The following PUM3 variants were observed in gnomAD, a reference collection of about 807,000 sequenced individuals.
PUM3 encodes the protein pumilio RNA binding family member 3.
A neutral mutation model predicts 84.0 loss-of-function variants in PUM3; 91 were observed. The ratio of observed to expected loss-of-function variants is 1.08; its 90% CI spans 0.91 to 1.29. The LOEUF (loss-of-function observed/expected upper bound fraction) is 1.29. Ranked by LOEUF, PUM3 falls within the 50% of genes most tolerant of loss-of-function variation. The pLI is 0.00. For synonymous variants in PUM3, 321 were observed against 266.7 expected (o/e 1.20, Z -1.98); for missense variants, 1,067 against 767.5 (o/e 1.39, Z -4.61).
chr9:2,812,146 T>C, intron 14 of PUM3, 74 bp downstream of exon 14: 1 of 1,288,520 alleles, frequency 7.8e-7, no homozygotes, highest in Non-Finnish European at 1.1e-6. Flanking sequence ...GATGGGTAAG[T>C]GGACTTCTGG....
rs148147075 is a variant in PUM3 at position 2,811,461 on chromosome 9, G to A, written c.1535C>T (p.Ser512Phe). ...VLDKSACVLV[S>F]DILGSATGDV... is the part of the protein sequence containing the mutation. ...TCCAGTGGCAGATCCCAGAATGTCA[G>A]ACACCAACACACACGCAGACTTATC... Residue 512 changes from serine to phenylalanine, a missense_variant, in exon 15 of 18, where the codon TCT becomes TTT. Physicochemically the swap from Ser to Phe is radical, Grantham distance 155. Coordinates refer to ENST00000397885, the MANE Select transcript of PUM3 (RefSeq NM_014878.5). 3 of 1,614,172 alleles carry A rather than the reference G, an allele frequency of 1.9e-6. No homozygotes were observed. Among genetic ancestry groups the A allele is most frequent in the Non-Finnish European group, 2.5e-6 (3 of 1,180,034 alleles).
rs1326506694 is a variant in PUM3, at chr9:2,811,674, C to T, written c.1413-91G>A. ...CACAAAAACCTCTAAGAGCTTATCA[C>T]AGACTGTATCGCACTCTATTATTAT... On this transcript the variant is annotated intron_variant, in intron 14 of 17. Coordinates refer to ENST00000397885, the MANE Select transcript of PUM3 (RefSeq NM_014878.5). The T allele has an allele frequency of 7.2e-6, 6 of 828,750 alleles. No individual in the cohort carries two copies. In the East Asian group the frequency reaches 1.2e-4, roughly 17 times the overall value. 51.3% of individuals were successfully genotyped at this position (828,750 alleles called of 1,614,324 possible).
Position 2,824,819 on chromosome 9 carries a change from G to T in PUM3, c.1036-4C>A. On this transcript the variant is annotated splice_region_variant and splice_polypyrimidine_tract_variant and intron_variant, in intron 10 of 17. Coordinates refer to ENST00000397885, the MANE Select transcript of PUM3 (RefSeq NM_014878.5). ...CGCGGATGGCTTCAATCATTTCCTA[G>T]GGAACAAATGCTGTCAGGAACAGGG... is the stretch of plus-strand genomic sequence containing the variant. 1.9e-6 allele frequency: 3 copies of T among 1,543,752 alleles called. No homozygotes were observed. Among genetic ancestry groups the T allele is most frequent in the Non-Finnish European group, 2.6e-6 (3 of 1,135,354 alleles).
rs142216382 is a variant in PUM3 at position 2,812,282 on chromosome 9, A to T, written c.1350T>A (p.Asp450Glu). The change falls in exon 14 of 18, where the codon GAT becomes GAA. Residue 450 changes from aspartate to glutamate, a missense_variant. By Grantham distance (45) the Asp-to-Glu change is conservative. Coordinates refer to ENST00000397885, the MANE Select transcript of PUM3 (RefSeq NM_014878.5). ...TGATTTCTCGTACTGTATGTGCAGG[A>T]TCTCTGGGGCTTAGTAAGTACAATA... Reference protein sequence around the residue: ...KVLLYLLSPRDPAHTVREIIE... With the variant: ...KVLLYLLSPREPAHTVREIIE... 674 of 1,612,350 alleles carry T rather than the reference A, an allele frequency of 4.2e-4. 6 individuals are homozygous for T. The Middle Eastern group carries it at 0.013, about 30-fold the overall frequency.
intron 15 of PUM3, 92 bp downstream of exon 15, chr9:2,811,268 TC>T: frequency 2.1e-6 from 2 of 956,002 alleles, no homozygotes; most frequent in South Asian, 1.5e-5. Context: ...GGTATCTCCC[TC>T]CCCAGCTTTC....
rs145193617 is a variant in PUM3 at position 2,807,850 on chromosome 9, C to T, written c.1778G>A (p.Trp593Ter). ...EHVGMKNLKS[W>*]ASVNRGAIIL... is the part of the protein sequence containing the mutation. The stretch of plus-strand genomic sequence containing the variant: ...AATGGCACCTCGATTTACACTAGCC[C>T]AGGACTTCAGGTTCTTCATACCAAC... Residue 593 changes from tryptophan to a stop codon, truncating the protein, a stop_gained, in exon 17 of 18, where the codon TGG (tryptophan) becomes TAG (stop). Coordinates refer to ENST00000397885, the MANE Select transcript of PUM3 (RefSeq NM_014878.5). LOFTEE classifies it high-confidence loss of function. 6.8e-6 allele frequency: 11 copies of T among 1,613,572 alleles called. No individual in the cohort carries two copies. The highest frequency in any genetic ancestry group is 8.5e-6 in the Non-Finnish European group (10 of 1,179,842).
chr9:2,825,613 G>T (rs1815795495), intron 10 of PUM3, among the ~76,000 whole-genome samples: 1 of 151,988 alleles, frequency 6.6e-6, no homozygotes, highest in South Asian at 2.1e-4. Context: ...CTCCCGAGTA[G>T]CTGGGGCTAC....
intron 8 of PUM3, among the ~76,000 whole-genome samples, chr9:2,829,429 G>C (rs1376854954): frequency 1.3e-5 from 2 of 152,216 alleles, no homozygotes; most frequent in African/African-American, 4.8e-5. Context: ...ATACACTTCA[G>C]CCAGAGCTGG....
chr9:2,828,929 T>C, intron 8 of PUM3, 151 bp from the exon 9 acceptor site: 1 of 636,724 alleles, frequency 1.6e-6, no homozygotes, highest in South Asian at 1.8e-5. Flanking sequence ...TATATCCTTG[T>C]GGAGTAACCT....
intron 2 of PUM3, 136 bp from the exon 3 acceptor site, chr9:2,837,537 C>T: frequency 1.6e-6 from 1 of 613,746 alleles, no homozygotes; most frequent in East Asian, 2.8e-5. Flanking sequence ...AACATATAGC[C>T]TTTTGAGTAG....
chr9:2,808,623 T>C (rs1821307899), intron 16 of PUM3, among the ~76,000 whole-genome samples: 1 of 152,214 alleles, frequency 6.6e-6, no homozygotes, highest in Admixed American at 6.5e-5. Flanking sequence ...CATTCAAAGA[T>C]ACCTGAATGT....
In PUM3 at chr9:2,831,037, C is replaced by T. The variant is rs763088514; in HGVS notation, c.611-9G>A. The T allele has an allele frequency of 1.4e-6, 2 of 1,384,444 alleles. No individual in the cohort carries two copies. Among genetic ancestry groups the T allele is most frequent in the South Asian group, 2.4e-5 (2 of 83,286 alleles). 85.8% of individuals were successfully genotyped at this position (1,384,444 alleles called of 1,614,324 possible). ...TAACTCAACCAAATCATCTGAAAAACAAAAATACATTACAGTGACTTCAGA... is the reference window on the plus strand; with the variant it reads ...TAACTCAACCAAATCATCTGAAAAATAAAAATACATTACAGTGACTTCAGA... On this transcript the variant is annotated splice_polypyrimidine_tract_variant and intron_variant, in intron 6 of 17. Coordinates refer to ENST00000397885, the MANE Select transcript of PUM3 (RefSeq NM_014878.5).
chr9:2,804,384 T>A lies in PUM3; in HGVS notation c.1894A>T (p.Thr632Ser), dbSNP rs1431174756. ...LKSLIPTLEK[T>S]KSTSKGIEIL... ...TCTATTCCTTTGCTGGTGCTTTTGG[T>A]TTTTTCCAATGTAGGAATCAAGCTT... is the stretch of plus-strand genomic sequence containing the variant. The change falls in exon 18 of 18, where the codon ACC becomes TCC. Residue 632 changes from threonine to serine, a missense_variant. Coordinates refer to ENST00000397885, the MANE Select transcript of PUM3 (RefSeq NM_014878.5). The A allele has an allele frequency of 1.9e-6, 3 of 1,614,024 alleles. No individual in the cohort carries two copies. The highest frequency in any genetic ancestry group is 4.5e-5 in the East Asian group (2 of 44,862).
At chr9:2,824,270 T>A (rs1024608940) in intron 11 of PUM3, among the ~76,000 whole-genome samples, 5 of 152,182 alleles carry the variant, frequency 3.3e-5, no homozygotes, top group Admixed American at 1.3e-4. Flanking sequence ...AAGGAAATAA[T>A]GATAATTTCT....
At chr9:2,806,057 C>T (rs1821251894) in intron 17 of PUM3, among the ~76,000 whole-genome samples, 1 of 152,176 alleles carries the variant, frequency 6.6e-6, no homozygotes, top group South Asian at 2.1e-4. Context: ...GCTCCTGTTC[C>T]AATTCTGAGT....
chr9:2,811,641 G>T, intron 14 of PUM3, 58 bp from the exon 15 acceptor site: 1 of 1,285,052 alleles, frequency 7.8e-7, no homozygotes, highest in Non-Finnish European at 1.1e-6. Flanking sequence ...GAAATGTGGT[G>T]ATATTATCAC....
chr9:2,835,643 C>T (rs538559785), intron 3 of PUM3, among the ~76,000 whole-genome samples: 62 of 152,236 alleles, frequency 4.1e-4, no homozygotes, highest in African/African-American at 1.4e-3. Context: ...GTATCCTCTA[C>T]TATACAATAG....
At chr9:2,841,424 G>T (rs945986810) in intron 1 of PUM3, among the ~76,000 whole-genome samples, 1 of 152,184 alleles carries the variant, frequency 6.6e-6, no homozygotes, top group South Asian at 2.1e-4. Flanking sequence ...ATTTAGCTGG[G>T]CATGGTGGTG....
Position 2,820,018 on chromosome 9 carries a change from T to C in PUM3, c.1269A>G (p.Ser423=), listed in dbSNP as rs753797175. The C allele has an allele frequency of 1.3e-6, 2 of 1,597,552 alleles. No individual in the cohort carries two copies. The highest frequency in any genetic ancestry group is 2.2e-5 in the South Asian group (2 of 90,472). ...DTKLVKQIII[S]EIISSLPSIV... is the part of the protein sequence containing the mutation. Reference sequence around the variant, plus strand: ...ATTCAAGACCATCAGGATTACTTACTGATATGATTATCTGCTTCACAAGCT... The same window carrying C: ...ATTCAAGACCATCAGGATTACTTACCGATATGATTATCTGCTTCACAAGCT... Residue 423 remains serine (S), a splice_region_variant and synonymous_variant, in exon 13 of 18, where the codon TCA becomes TCG. Coordinates refer to ENST00000397885, the MANE Select transcript of PUM3 (RefSeq NM_014878.5).
Sources: allele counts gnomAD v4.1 joint callset (sites outside exome capture counted in the v4.1 genomes callset), GRCh38; gene constraint gnomAD v4.1.1; transcripts MANE v1.5; gene names NCBI Gene and HGNC (gene_info 2026-07-23, HGNC 2026-07-21).